The following POLR2H variants were observed in gnomAD, a reference collection of about 807,000 sequenced individuals.
POLR2H encodes the protein RNA polymerase II, I and III subunit H.
A neutral mutation model predicts 18.1 loss-of-function variants in POLR2H; 3 were observed. That is an observed-to-expected ratio of 0.17 (90% CI 0.08 to 0.43). The LOEUF (loss-of-function observed/expected upper bound fraction) is 0.43. Among genes scored for constraint, POLR2H ranks in the 20% least tolerant of loss-of-function variants. The probability of loss-of-function intolerance (pLI) is 0.99; values close to 1 mark genes in which losing one functional copy is unlikely to be tolerated. For synonymous variants in POLR2H, 76 were observed against 69.0 expected (o/e 1.10, Z -0.50); for missense variants, 103 against 184.6 (o/e 0.56, Z 2.56).
At position 184,366,741 on chromosome 3, in the gene POLR2H, G is replaced by A. The variant is rs754312664; in HGVS notation, c.276G>A (p.Met92Ile). The change falls in exon 5 of 6, where the codon ATG becomes ATA. Residue 92 changes from methionine (M) to isoleucine (I), a missense_variant. Transcript: ENST00000456318. ...GGGCTGACCAGTTTGAGTATGTAAT[G>A]TATGGAAAAGTGTACAGGATTGAGG... ...PSRADQFEYV[M>I]YGKVYRIEGD... 6.2e-7 allele frequency: 1 copy of A among 1,604,300 alleles called. No homozygotes were observed. Among genetic ancestry groups the A allele is most frequent in the Non-Finnish European group, 8.5e-7 (1 of 1,171,032 alleles).
In POLR2H at chr3:184,365,156, G is replaced by A. The variant is rs767749245; in HGVS notation, c.181G>A (p.Ala61Thr). 6.2e-7 allele frequency: 1 copy of A among 1,613,238 alleles called. No homozygotes were observed. Among genetic ancestry groups the A allele is most frequent in the East Asian group, 2.2e-5 (1 of 44,888 alleles). ...DLGDKFRLVI[A>T]STLYEDGTLD... is the part of the protein sequence containing the mutation. ...AGGTGACAAGTTTCGGTTGGTCATA[G>A]CTAGTACCTTGTATGAAGATGGTAC... Residue 61 changes from alanine (A) to threonine (T), a missense_variant, in exon 4 of 6, where the codon GCT becomes ACT. Ala to Thr is a moderately conservative substitution (Grantham distance 58, BLOSUM62 0). Coordinates refer to ENST00000456318, the MANE Select transcript of POLR2H (RefSeq NM_006232.5).
Position 184,366,819 on chromosome 3 carries a change from T to G in POLR2H, c.335+19T>G, listed in dbSNP as rs1713380022. On this transcript the variant is annotated intron_variant, in intron 5 of 5. Transcript: ENST00000456318. ...CACGCCTGTAAGTTACGTAATCTTG[T>G]GAGGATTCTTTTCCTCTTCCATGTT... 1.4e-6 allele frequency: 2 copies of G among 1,403,412 alleles called. No individual in the cohort carries two copies. The highest frequency in any genetic ancestry group is 2.0e-6 in the Non-Finnish European group (2 of 988,004). The allele number at this position is 1,403,412 out of a possible 1,614,324, so 86.9% of individuals were successfully genotyped here.
chr3:184,366,647 C>G, intron 4 of POLR2H, 70 bp from the exon 5 acceptor site: 1 of 977,358 alleles, frequency 1.0e-6, no homozygotes, highest in Non-Finnish European at 1.6e-6. Context: ...TGACCAGTAA[C>G]CATTTTTAAA....
Position 184,365,061 on chromosome 3 carries a change from A to G in POLR2H, c.157+12A>G. On this transcript the variant is annotated intron_variant, in intron 3 of 5. Transcript: ENST00000456318. The stretch of plus-strand genomic sequence containing the variant: ...CCCTGTAGACTTGGGTAAGTATTGA[A>G]TACAGACAATAATAAGAGACTTTTT... 2 of 1,577,632 alleles carry G rather than the reference A, an allele frequency of 1.3e-6. No homozygotes were observed. The highest frequency in any genetic ancestry group is 2.2e-5 in the South Asian group (2 of 90,352).
intron 4 of POLR2H, 101 bp downstream of exon 4, chr3:184,365,327 C>A: frequency 2.4e-6 from 2 of 839,228 alleles, no homozygotes; most frequent in Non-Finnish European, 4.2e-6. Context: ...AAATGATGAT[C>A]AGCAGAATCT....
Position 184,363,165 on chromosome 3 carries a change from T to G in POLR2H, c.-328T>G. ...AACCCGGCCTCTGAAGAGGGCGCAG[T>G]AGGGCCCCAGCGGAGCGCGAGAACC... On this transcript the variant is annotated 5_prime_UTR_variant, in exon 2 of 6. The change abolishes the stop of an existing upstream ORF in the 5' untranslated region. Transcript: ENST00000456318. 2.5e-6 allele frequency: 1 copy of G among 399,060 alleles called. No individual in the cohort carries two copies. The highest frequency in any genetic ancestry group is 6.3e-5 in the East Asian group (1 of 15,846). The allele number at this position is 399,060 out of a possible 1,614,324, so 24.7% of individuals were successfully genotyped here.
At chr3:184,363,708 G>C (rs1386360370) in intron 2 of POLR2H, 143 bp downstream of exon 2, 7 of 635,534 alleles carry the variant, frequency 1.1e-5, no homozygotes, top group Non-Finnish European at 2.0e-5. Flanking sequence ...ACATTTTATG[G>C]ATGAGAAAAC....
intron 4 of POLR2H, among the ~76,000 whole-genome samples, chr3:184,365,703 G>A (rs1328819594): frequency 1.3e-5 from 2 of 151,508 alleles, no homozygotes; most frequent in African/African-American, 4.9e-5. Flanking sequence ...GCCGGGCGCG[G>A]TGGCTCACGC....
chr3:184,364,208 G>T (rs1712831013), intron 2 of POLR2H, among the ~76,000 whole-genome samples: 1 of 152,046 alleles, frequency 6.6e-6, no homozygotes, highest in South Asian at 2.1e-4. Flanking sequence ...AGTCTTCTTT[G>T]AGTTAGAGTT....
At chr3:184,364,030 G>A (rs1712800466) in intron 2 of POLR2H, among the ~76,000 whole-genome samples, 1 of 152,176 alleles carries the variant, frequency 6.6e-6, no homozygotes, top group African/African-American at 2.4e-5. Flanking sequence ...CAGCCTGGGC[G>A]GCAGAGCGAG....
In POLR2H at chr3:184,368,581, C is replaced by A; in HGVS notation, c.*287C>A. 1 of 291,350 alleles carries A rather than the reference C, an allele frequency of 3.4e-6. No homozygotes were observed. Among genetic ancestry groups the A allele is most frequent in the Non-Finnish European group, 6.4e-6 (1 of 156,854 alleles). The allele number at this position is 291,350 out of a possible 1,614,324, so 18.0% of individuals were successfully genotyped here. A position where few individuals can be genotyped will look rare whatever the true frequency, so the allele number is the denominator to read the frequency against. ...GTAAAAAGTCCATTTACTGTAAAATCGTTTTTTCCAGTTTGTCTGTGGTGT... is the reference window on the plus strand; with the variant it reads ...GTAAAAAGTCCATTTACTGTAAAATAGTTTTTTCCAGTTTGTCTGTGGTGT... On this transcript the variant is annotated 3_prime_UTR_variant, in exon 6 of 6. Transcript: ENST00000456318.
Position 184,368,382 on chromosome 3 carries a change from TGAG to T in POLR2H, c.*91_*93del, listed in dbSNP as rs1713707065. 3.5e-6 allele frequency: 4 copies of T among 1,130,988 alleles called. No individual in the cohort carries two copies. Among genetic ancestry groups the T allele is most frequent in the Non-Finnish European group, 5.0e-6 (4 of 798,112 alleles). 70.1% of individuals were successfully genotyped at this position (1,130,988 alleles called of 1,614,324 possible). A position where few individuals can be genotyped will look rare whatever the true frequency, so the allele number is the denominator to read the frequency against. On this transcript the variant is annotated 3_prime_UTR_variant, in exon 6 of 6. Coordinates refer to ENST00000456318, the MANE Select transcript of POLR2H (RefSeq NM_006232.5). ...GTGGCAGCCGCTCTTGCTCACCTGT[TGAG>T]GAAGGGCTGGCTCACTGTCCACCGT...
chr3:184,367,811 G>A (rs867252930), intron 5 of POLR2H, among the ~76,000 whole-genome samples: 2 of 152,242 alleles, frequency 1.3e-5, no homozygotes, highest in Middle Eastern at 3.4e-3. Context: ...TTTCTTAAAC[G>A]TTTCAATAGT....
intron 5 of POLR2H, among the ~76,000 whole-genome samples, chr3:184,367,170 T>G (rs1359851599): frequency 6.9e-6 from 1 of 143,940 alleles, no homozygotes; most frequent in Non-Finnish European, 1.5e-5. Context: ...TGTGTGTGTG[T>G]GGCTACTCTG....
chr3:184,364,813 A>T (rs1712952116), intron 2 of POLR2H, 153 bp from the exon 3 acceptor site: 1 of 607,302 alleles, frequency 1.6e-6, no homozygotes, highest in African/African-American at 1.8e-5. Flanking sequence ...CTTCTTGCAT[A>T]TCTGGTTCTG....
At chr3:184,367,145 CTG>C (rs139867729) in intron 5 of POLR2H, among the ~76,000 whole-genome samples, 47 of 47,892 alleles carry the variant, frequency 9.8e-4, no homozygotes, top group Non-Finnish European at 9.5e-4. Flanking sequence ...CTGTAAAAGG[CTG>C]TGTGTGTGTG....
chr3:184,368,036 T>A, intron 5 of POLR2H, 141 bp from the exon 6 acceptor site: 4 of 1,153,834 alleles, frequency 3.5e-6, no homozygotes, highest in Non-Finnish European at 5.0e-6. Context: ...GCCTTGCACA[T>A]ACCTGTGCAT....
chr3:184,366,755 A>G lies in POLR2H; in HGVS notation c.290A>G (p.Tyr97Cys). 1 of 1,608,064 alleles carries G rather than the reference A, an allele frequency of 6.2e-7. No homozygotes were observed. Among genetic ancestry groups the G allele is most frequent in the Non-Finnish European group, 8.5e-7 (1 of 1,174,442 alleles). Residue 97 changes from tyrosine (Y) to cysteine (C), a missense_variant, in exon 5 of 6, where the codon TAC (tyrosine) becomes TGC (cysteine). Physicochemically the swap from Tyr to Cys is radical, Grantham distance 194 (BLOSUM62 -2). Transcript: ENST00000456318. ...GAGTATGTAATGTATGGAAAAGTGT[A>G]CAGGATTGAGGGAGATGAAACTTCT... ...QFEYVMYGKVYRIEGDETSTE... is the reference protein window; with the variant it reads ...QFEYVMYGKVCRIEGDETSTE...
At chr3:184,366,689 G>T in intron 4 of POLR2H, 28 bp from the exon 5 acceptor site, 1 of 1,294,984 alleles carries the variant, frequency 7.7e-7, no homozygotes, top group South Asian at 1.2e-5. Flanking sequence ...TTACTGTTAA[G>T]AATAACTTTG....
Sources: allele counts gnomAD v4.1 joint callset (sites outside exome capture counted in the v4.1 genomes callset), GRCh38; gene constraint gnomAD v4.1.1; transcripts MANE v1.5; gene names NCBI Gene and HGNC (gene_info 2026-07-23, HGNC 2026-07-21).